Variants in GULP1 observed in about 807,000 individuals in gnomAD.
The protein encoded by GULP1 is PTB domain-containing engulfment adapter protein 1.
In GULP1, 19 loss-of-function variants were observed where a neutral mutation model predicts 40.9. The observed-to-expected ratio is 0.46, with a 90% CI of 0.32 to 0.68. The LOEUF is 0.68. Ranked by LOEUF, GULP1 falls within the 30% of genes least tolerant of loss-of-function variation. The probability of loss-of-function intolerance (pLI) is 0.03; values close to 1 mark genes in which losing one functional copy is unlikely to be tolerated. For synonymous variants in GULP1, 119 were observed against 117.6 expected (o/e 1.01, Z -0.08); for missense variants, 312 against 362.2 (o/e 0.86, Z 1.12).
intron 4 of GULP1, among the ~76,000 whole-genome samples, chr2:188,498,089 G>T (rs7420808): frequency 0.89 from 135,683 of 151,830 alleles, 61,734 homozygotes; most frequent in South Asian, 0.99. Flanking sequence ...GATGAAGAAA[G>T]ATTTCCTAAA....
chr2:188,361,190 A>G (rs1056333074), intron 1 of GULP1, among the ~76,000 whole-genome samples: 1 of 152,002 alleles, frequency 6.6e-6, no homozygotes, highest in Non-Finnish European at 1.5e-5. Context: ...TCATTTATTC[A>G]TCTGTTCTGT....
intron 1 of GULP1, among the ~76,000 whole-genome samples, chr2:188,300,797 T>C (rs1379754706): frequency 4.6e-5 from 7 of 152,172 alleles, no homozygotes; most frequent in Non-Finnish European, 1.0e-4. Context: ...TAAATCAGTT[T>C]AGTAGGTCTG....
chr2:188,532,251 T>G (rs1575830318), intron 6 of GULP1, among the ~76,000 whole-genome samples: 1 of 152,358 alleles, frequency 6.6e-6, no homozygotes, highest in East Asian at 1.9e-4. Flanking sequence ...TTCAAATTTT[T>G]TGTTAGTTGA....
At chr2:188,346,028 T>G (rs535332058) in intron 1 of GULP1, among the ~76,000 whole-genome samples, 9 of 152,244 alleles carry the variant, frequency 5.9e-5, no homozygotes, top group Non-Finnish European at 1.3e-4. Flanking sequence ...AGCATATTCT[T>G]TAGCAGTGTT....
intron 4 of GULP1, among the ~76,000 whole-genome samples, chr2:188,521,629 C>T (rs1041765073): frequency 5.3e-5 from 8 of 152,090 alleles, no homozygotes; most frequent in Non-Finnish European, 8.8e-5. Context: ...ATCATGAGAC[C>T]GGCATGGGAA....
chr2:188,542,470 T>G (rs1282103960), intron 7 of GULP1, among the ~76,000 whole-genome samples: 1 of 152,112 alleles, frequency 6.6e-6, no homozygotes, highest in Non-Finnish European at 1.5e-5. Flanking sequence ...AAACATTCCT[T>G]AAGAAAAAGA....
At chr2:188,485,993 G>A (rs2153073560) in intron 4 of GULP1, among the ~76,000 whole-genome samples, 1 of 152,116 alleles carries the variant, frequency 6.6e-6, no homozygotes, top group East Asian at 1.9e-4. Flanking sequence ...ATTAGAATTT[G>A]ATTGAATAAC....
At chr2:188,399,546 T>A (rs934058872) in intron 2 of GULP1, among the ~76,000 whole-genome samples, 7 of 151,960 alleles carry the variant, frequency 4.6e-5, no homozygotes, top group Admixed American at 3.3e-4. Context: ...CTCTTTTTCA[T>A]AAGTGTTATT....
At chr2:188,496,851 T>TA (rs1465831702) in intron 4 of GULP1, among the ~76,000 whole-genome samples, 2 of 151,910 alleles carry the variant, frequency 1.3e-5, no homozygotes, top group African/African-American at 4.8e-5. Flanking sequence ...GAGAGTGAGT[T>TA]ATGGCAAGAT....
intron 2 of GULP1, among the ~76,000 whole-genome samples, chr2:188,439,057 G>A (rs59206116): frequency 0.28 from 42,734 of 151,602 alleles, 7,427 homozygotes; most frequent in African/African-American, 0.5. Flanking sequence ...ACTCTTCTCC[G>A]GAAACCATAT....
At chr2:188,548,172 TAAAG>T (rs1473897928) in intron 7 of GULP1, among the ~76,000 whole-genome samples, 1 of 152,080 alleles carries the variant, frequency 6.6e-6, no homozygotes, top group African/African-American at 2.4e-5. Flanking sequence ...AGATTGTAAA[TAAAG>T]AAATAAAACT....
intron 9 of GULP1, among the ~76,000 whole-genome samples, chr2:188,580,915 T>G (rs1199310827): frequency 6.6e-6 from 1 of 152,182 alleles, no homozygotes; most frequent in Non-Finnish European, 1.5e-5. Flanking sequence ...GGAATGTGGC[T>G]CCCGGCCAGA....
At chr2:188,523,462 C>T (rs534569910) in intron 5 of GULP1, among the ~76,000 whole-genome samples, 3 of 152,236 alleles carry the variant, frequency 2.0e-5, no homozygotes, top group Admixed American at 6.5e-5. Context: ...TTCCGCATCT[C>T]GAAGGACATT....
At position 188,337,148 on chromosome 2, in the gene GULP1, A is replaced by AT. The variant is rs1035791580; in HGVS notation, c.-172+44989dup. 1.1e-4 allele frequency among the ~76,000 whole-genome samples: 17 copies of AT among 148,858 alleles called. 1 individual carries two copies. The highest frequency in any genetic ancestry group is 3.9e-4 in the African/African-American group (16 of 40,514). On this transcript the variant is annotated intron_variant, in intron 1 of 11. Coordinates refer to ENST00000409830, the MANE Select transcript of GULP1 (RefSeq NM_016315.4). ...TATCTATATCTATATCTATCTATATATTTTTTTCTTTCCAAAGTCTTGTTC... is the reference window on the plus strand; with the variant it reads ...TATCTATATCTATATCTATCTATATATTTTTTTTCTTTCCAAAGTCTTGTTC...
intron 2 of GULP1, among the ~76,000 whole-genome samples, chr2:188,422,352 T>C (rs1237639893): frequency 6.6e-6 from 1 of 151,440 alleles, no homozygotes; most frequent in Admixed American, 6.6e-5. Context: ...ACTAGTTCAA[T>C]TGCAATTGTA....
chr2:188,380,353 C>T (rs1334645599), intron 1 of GULP1, among the ~76,000 whole-genome samples: 2 of 151,994 alleles, frequency 1.3e-5, no homozygotes, highest in African/African-American at 2.4e-5. Flanking sequence ...AGAGAAATTA[C>T]GACTGGCTAG....
At chr2:188,564,857 A>G (rs1697261091) in intron 7 of GULP1, among the ~76,000 whole-genome samples, 1 of 152,026 alleles carries the variant, frequency 6.6e-6, no homozygotes, top group South Asian at 2.1e-4. Flanking sequence ...ATGTAATAAT[A>G]ATAAATGAAC....
chr2:188,507,982 A>G (rs1007320918), intron 4 of GULP1, among the ~76,000 whole-genome samples: 1 of 152,024 alleles, frequency 6.6e-6, no homozygotes, highest in Non-Finnish European at 1.5e-5. Flanking sequence ...GAAGTTTTTT[A>G]TATAATTTGG....
At chr2:188,435,058 T>C (rs2057280197) in intron 2 of GULP1, among the ~76,000 whole-genome samples, 1 of 152,088 alleles carries the variant, frequency 6.6e-6, no homozygotes, top group Admixed American at 6.6e-5. Flanking sequence ...GTGGTTTTAA[T>C]AGATAGAAGT....
Sources: allele counts gnomAD v4.1 joint callset (sites outside exome capture counted in the v4.1 genomes callset), GRCh38; gene constraint gnomAD v4.1.1; transcripts MANE v1.5; gene names NCBI Gene and HGNC (gene_info 2026-07-23, HGNC 2026-07-21).